The following NTNG2 variants were observed in gnomAD, a reference collection of about 807,000 sequenced individuals.
NTNG2 encodes netrin G2.
A neutral mutation model predicts 47.6 loss-of-function variants in NTNG2; 15 were observed. The observed-to-expected ratio is 0.32, with a 90% CI of 0.21 to 0.49. The LOEUF (loss-of-function observed/expected upper bound fraction) is 0.49, where lower values mean the gene tolerates loss of function less well. NTNG2 is among the 20% of genes least tolerant of loss of function. The probability of loss-of-function intolerance (pLI) is 0.99; values close to 1 mark genes in which losing one functional copy is unlikely to be tolerated. For synonymous variants in NTNG2, 307 were observed against 324.6 expected (o/e 0.95, Z 0.58); for missense variants, 578 against 764.6 (o/e 0.76, Z 2.88).
At chr9:132,201,623 G>A (rs1838757112) in intron 3 of NTNG2, among the ~76,000 whole-genome samples, 2 of 152,166 alleles carry the variant, frequency 1.3e-5, no homozygotes, top group Admixed American at 6.5e-5. Flanking sequence ...CCTGTTCTGG[G>A]GATTCCCTCA....
At position 132,227,756 on chromosome 9, in the gene NTNG2, A is replaced by T. The variant is rs193277620; in HGVS notation, c.1030+735A>T. ...GGGCCTGCCCACTCACATCTGCATC[A>T]TAGACCCCCTTCTGAGGACCACCCA... On this transcript the variant is annotated intron_variant, in intron 4 of 7. Transcript: ENST00000393229. Among the ~76,000 whole-genome samples the T allele has an allele frequency of 2.0e-3, 303 of 152,184 alleles. 3 individuals are homozygous for T. The highest frequency in any genetic ancestry group is 7.0e-3 in the African/African-American group (289 of 41,504).
intron 2 of NTNG2, among the ~76,000 whole-genome samples, chr9:132,175,433 T>G (rs920025421): frequency 6.6e-6 from 1 of 152,012 alleles, no homozygotes; most frequent in East Asian, 1.9e-4. Context: ...GGTCCAGAGC[T>G]CACCAGGCTG....
intron 3 of NTNG2, among the ~76,000 whole-genome samples, chr9:132,209,549 GCAGCGGC>G (rs2130815662): frequency 6.6e-6 from 1 of 152,318 alleles, no homozygotes; most frequent in East Asian, 1.9e-4. Context: ...TTCCTGCAGG[GCAGCGGC>G]CACCTGTGTC....
intron 5 of NTNG2, chr9:132,232,640 A>G (rs1353740008): frequency 6.6e-6 from 1 of 152,132 alleles, no homozygotes; most frequent in Non-Finnish European, 1.5e-5. Context: ...GACGATGACC[A>G]AGGGGAATTC....
At chr9:132,202,467 C>T (rs931175588) in intron 3 of NTNG2, among the ~76,000 whole-genome samples, 1 of 152,196 alleles carries the variant, frequency 6.6e-6, no homozygotes, top group Non-Finnish European at 1.5e-5. Context: ...CAGCCACGCC[C>T]CCTCCCTGCC....
At chr9:132,210,641 C>G (rs1839524817) in intron 3 of NTNG2, among the ~76,000 whole-genome samples, 1 of 152,220 alleles carries the variant, frequency 6.6e-6, no homozygotes, top group Non-Finnish European at 1.5e-5. Context: ...CCCCCCGACC[C>G]CAGCTCTGTG....
At chr9:132,195,760 C>G (rs1838262809) in intron 2 of NTNG2, among the ~76,000 whole-genome samples, 1 of 151,796 alleles carries the variant, frequency 6.6e-6, no homozygotes. Context: ...TCCCAAGTAG[C>G]TAGGACCACA....
chr9:132,242,171 G>T lies in NTNG2; in HGVS notation c.*60G>T. ...CCGGGGGTCCCGGGGTCCCGGGGCGGGGCCGGCGTCCGAGGCCGGGCGGTG... is the reference window on the plus strand; with the variant it reads ...CCGGGGGTCCCGGGGTCCCGGGGCGTGGCCGGCGTCCGAGGCCGGGCGGTG... On this transcript the variant is annotated 3_prime_UTR_variant, in exon 8 of 8. Transcript: ENST00000393229. The surrounding 1 kb of genome is among the most constrained non-coding windows in gnomAD (Gnocchi z 5.9). 1.1e-6 allele frequency: 1 copy of T among 889,110 alleles called. No individual in the cohort carries two copies. Among genetic ancestry groups the T allele is most frequent in the Non-Finnish European group, 1.4e-6 (1 of 721,446 alleles). 55.1% of individuals were successfully genotyped at this position (889,110 alleles called of 1,614,324 possible). A position where few individuals can be genotyped will look rare whatever the true frequency, so the allele number is the denominator to read the frequency against.
intron 3 of NTNG2, among the ~76,000 whole-genome samples, chr9:132,216,381 CCTCTCTCTCTCTCT>C (rs1199246893): frequency 8.3e-6 from 1 of 120,886 alleles, no homozygotes; most frequent in Non-Finnish European, 1.6e-5. Context: ...GCTGACTCAG[CCTCTCTCTCTCTCT>C]CTCTCTCTCT....
chr9:132,240,636 A>C, intron 6 of NTNG2: 1 of 549,702 alleles, frequency 1.8e-6, no homozygotes, highest in South Asian at 2.0e-5. Context: ...CAGAGAGGGG[A>C]AGGGGCTGAC....
chr9:132,212,908 G>C (rs1839696756), intron 3 of NTNG2, among the ~76,000 whole-genome samples: 1 of 151,234 alleles, frequency 6.6e-6, no homozygotes, highest in African/African-American at 2.5e-5. Flanking sequence ...CTGCTTGCCT[G>C]AGCCAAGGAC....
intron 4 of NTNG2, among the ~76,000 whole-genome samples, chr9:132,228,644 A>G (rs1840974924): frequency 6.6e-6 from 1 of 150,886 alleles, no homozygotes; most frequent in Non-Finnish European, 1.5e-5. Context: ...TGTAACCTCA[A>G]CCTCCTGGGC....
chr9:132,177,609 A>C (rs1836562513), intron 2 of NTNG2, among the ~76,000 whole-genome samples: 1 of 152,160 alleles, frequency 6.6e-6, no homozygotes, highest in Non-Finnish European at 1.5e-5. Flanking sequence ...AATTGAGCAT[A>C]ATCTATGCAC....
At position 132,198,161 on chromosome 9, in the gene NTNG2, G is replaced by A. The variant is rs1243186248; in HGVS notation, c.409G>A (p.Val137Met). The A allele has an allele frequency of 7.4e-6, 12 of 1,613,590 alleles. No homozygotes were observed. Among genetic ancestry groups the A allele is most frequent in the Non-Finnish European group, 1.0e-5 (12 of 1,180,036 alleles). ...WNKTVELTDD[V>M]VMTFEYGRPT... Reference sequence around the variant, plus strand: ...CAAGACCGTGGAGCTGACCGACGACGTGGTGATGACCTTCGAGTACGGCCG... The same window carrying A: ...CAAGACCGTGGAGCTGACCGACGACATGGTGATGACCTTCGAGTACGGCCG... The change falls in exon 3 of 8, where the codon GTG (valine) becomes ATG (methionine). Residue 137 changes from valine to methionine, a missense_variant. By Grantham distance (21) the Val-to-Met change is conservative. Transcript: ENST00000393229.
intron 2 of NTNG2, among the ~76,000 whole-genome samples, chr9:132,191,604 C>T (rs574332215): frequency 6.6e-6 from 1 of 152,176 alleles, no homozygotes; most frequent in South Asian, 2.1e-4. Context: ...TGCTCTGTCG[C>T]CCAGGCTGGA....
chr9:132,200,879 C>G (rs1838695096), intron 3 of NTNG2, among the ~76,000 whole-genome samples: 1 of 152,232 alleles, frequency 6.6e-6, no homozygotes, highest in African/African-American at 2.4e-5. Flanking sequence ...AGACTTTCAG[C>G]CCCTGGGCAT....
chr9:132,216,381 CCTCTCTCTCTCT>C (rs1199246893), intron 3 of NTNG2, among the ~76,000 whole-genome samples: 14 of 120,936 alleles, frequency 1.2e-4, no homozygotes, highest in African/African-American at 5.0e-4. Context: ...GCTGACTCAG[CCTCTCTCTCTCT>C]CTCTCTCTCT....
intron 5 of NTNG2, chr9:132,232,373 G>A (rs916496095): frequency 6.5e-6 from 1 of 152,772 alleles, no homozygotes; most frequent in Non-Finnish European, 1.5e-5. Flanking sequence ...GGGCTGCTGG[G>A]AATGTGGAGG....
At chr9:132,164,277 A>T (rs999342882) in intron 1 of NTNG2, among the ~76,000 whole-genome samples, 6 of 152,200 alleles carry the variant, frequency 3.9e-5, no homozygotes, top group African/African-American at 1.4e-4. Context: ...GACTGCAATT[A>T]ATAGATTTGC....
Sources: gnomAD v4.1 joint callset for allele counts (sites outside exome capture counted in the v4.1 genomes callset) on GRCh38, gnomAD v4.1.1 for gene constraint, Gnocchi (gnomAD v3.1) non-coding constraint, MANE v1.5 for transcripts, NCBI Gene and HGNC (gene_info 2026-07-23, HGNC 2026-07-21) for gene names.